Variants in MEIKIN observed in about 807,000 individuals in gnomAD.
MEIKIN encodes the protein meiotic kinetochore factor, also known as meiosis-specific kinetochore protein.
chr5:131,880,841 T>A (rs1750691978), intron 8 of MEIKIN, among the ~76,000 whole-genome samples: 1 of 152,246 alleles, frequency 6.6e-6, no homozygotes, highest in Admixed American at 6.5e-5. Flanking sequence ...TATGCCCAGT[T>A]AAATGTGAAT....
chr5:131,815,093 C>T (rs1773078296), intron 12 of MEIKIN, among the ~76,000 whole-genome samples: 1 of 147,256 alleles, frequency 6.8e-6, no homozygotes, highest in Admixed American at 6.8e-5. Context: ...AATTGTCATC[C>T]ATGGTCTCAT....
At chr5:131,881,732 C>G (rs1750705711) in intron 8 of MEIKIN, among the ~76,000 whole-genome samples, 1 of 152,106 alleles carries the variant, frequency 6.6e-6, no homozygotes, top group Non-Finnish European at 1.5e-5. Flanking sequence ...ATGTATCTAC[C>G]ACCCAGATCA....
At chr5:131,839,891 A>G (rs35003489) in intron 11 of MEIKIN, among the ~76,000 whole-genome samples, 4,201 of 152,266 alleles carry the variant, frequency 0.028, 75 homozygotes, top group Middle Eastern at 0.071. Flanking sequence ...TCCTGTCATC[A>G]TGATGTTATC....
intron 9 of MEIKIN, among the ~76,000 whole-genome samples, chr5:131,877,277 T>C (rs1420561317): frequency 6.6e-6 from 1 of 151,930 alleles, no homozygotes; most frequent in Admixed American, 6.6e-5. Flanking sequence ...ATAAACAAAA[T>C]ATATAATTAA....
chr5:131,857,752 A>G (rs1030066762), intron 9 of MEIKIN, among the ~76,000 whole-genome samples: 1 of 151,910 alleles, frequency 6.6e-6, no homozygotes, highest in Non-Finnish European at 1.5e-5. Context: ...GGTCCTCTCC[A>G]CTGCTTTGCT....
intron 7 of MEIKIN, among the ~76,000 whole-genome samples, chr5:131,914,128 G>A (rs572907875): frequency 1.3e-5 from 2 of 152,262 alleles, no homozygotes; most frequent in African/African-American, 4.8e-5. Context: ...GTGATGCCCT[G>A]TGCCACCTCG....
At chr5:131,892,102 C>T (rs946025857) in intron 8 of MEIKIN, among the ~76,000 whole-genome samples, 5 of 152,214 alleles carry the variant, frequency 3.3e-5, no homozygotes, top group East Asian at 1.9e-4. Flanking sequence ...GTCTCATGGG[C>T]GTCCCTTTGT....
At chr5:131,838,900 G>C (rs1022874295) in intron 11 of MEIKIN, among the ~76,000 whole-genome samples, 13 of 151,936 alleles carry the variant, frequency 8.6e-5, no homozygotes, top group African/African-American at 3.1e-4. Flanking sequence ...GCTAACTTTG[G>C]GGTAGGTTTC....
intron 9 of MEIKIN, among the ~76,000 whole-genome samples, chr5:131,863,571 T>TTTTTTTTTTTTTTTTTTTTC (rs1750326932): frequency 4.8e-5 from 7 of 146,258 alleles, no homozygotes; most frequent in African/African-American, 1.9e-4. Flanking sequence ...TTTTTTTTTT[T>TTTTTTTTTTTTTTTTTTTTC]TTTTTTTTTT....
intron 8 of MEIKIN, among the ~76,000 whole-genome samples, chr5:131,883,060 T>G (rs1750725047): frequency 1.3e-5 from 2 of 152,246 alleles, no homozygotes; most frequent in African/African-American, 2.4e-5. Context: ...TTATCTTTTT[T>G]TCCACTATGT....
chr5:131,869,219 A>G (rs914620308), intron 9 of MEIKIN, among the ~76,000 whole-genome samples: 4 of 152,172 alleles, frequency 2.6e-5, no homozygotes, highest in Non-Finnish European at 5.9e-5. Context: ...TTCAAGCACC[A>G]TTTGTAGAAA....
chr5:131,928,953 T>G (rs1751637356), intron 5 of MEIKIN, among the ~76,000 whole-genome samples: 1 of 152,260 alleles, frequency 6.6e-6, no homozygotes, highest in Non-Finnish European at 1.5e-5. Context: ...GAGTTTCAAC[T>G]TAAATAATTC....
chr5:131,885,576 G>C (rs1000217463), intron 8 of MEIKIN, among the ~76,000 whole-genome samples: 1 of 152,162 alleles, frequency 6.6e-6, no homozygotes, highest in Admixed American at 6.5e-5. Flanking sequence ...TGGGCTTTGG[G>C]TGCCGCCTAA....
rs1024010717 is a variant in MEIKIN, at chr5:131,818,742, T to G, written c.1097A>C (p.Gln366Pro). The change falls in exon 12 of 13, where the codon CAA becomes CCA. Residue 366 changes from glutamine to proline, a missense_variant and splice_region_variant. Coordinates refer to ENST00000442687, the MANE Select transcript of MEIKIN (RefSeq NM_001303622.2). ...GCTCTGCATTCATACTACAGTACCT[T>G]GAGGGGTATCCTTAGGAAGAGAATA... The part of the protein sequence containing the change: ...KKYSLPKDTP[Q>P]DIIIKMA 4.5e-5 allele frequency: 18 copies of G among 397,874 alleles called. No individual in the cohort carries two copies. The highest frequency in any genetic ancestry group is 2.9e-4 in the African/African-American group (14 of 48,626). The allele number at this position is 397,874 out of a possible 1,614,324, so 24.6% of individuals were successfully genotyped here.
At chr5:131,908,592 A>G (rs1472325527) in intron 8 of MEIKIN, among the ~76,000 whole-genome samples, 1 of 152,228 alleles carries the variant, frequency 6.6e-6, no homozygotes, top group Non-Finnish European at 1.5e-5. Flanking sequence ...GTCAGACAAG[A>G]GAAAGCAATA....
At chr5:131,881,914 A>G (rs1286689231) in intron 8 of MEIKIN, among the ~76,000 whole-genome samples, 4 of 152,186 alleles carry the variant, frequency 2.6e-5, no homozygotes, top group Non-Finnish European at 4.4e-5. Context: ...TCTTTCACAA[A>G]ACTTAATGTG....
chr5:131,817,936 T>C (rs1014887566), intron 12 of MEIKIN, among the ~76,000 whole-genome samples: 30 of 152,188 alleles, frequency 2.0e-4, no homozygotes, highest in African/African-American at 7.0e-4. Context: ...GGCTGAAGCA[T>C]AGTGAGGGGA....
chr5:131,922,466 T>C (rs1185818996), intron 5 of MEIKIN, among the ~76,000 whole-genome samples: 1 of 152,030 alleles, frequency 6.6e-6, no homozygotes. Context: ...TTATAAGTAA[T>C]CTAAAGATTA....
chr5:131,824,843 G>A (rs916551870), intron 11 of MEIKIN, among the ~76,000 whole-genome samples: 76 of 152,122 alleles, frequency 5.0e-4, no homozygotes, highest in African/African-American at 1.7e-3. Flanking sequence ...CACAGATTTA[G>A]GAAGCCCAAT....
Sources: allele counts gnomAD v4.1 joint callset (sites outside exome capture counted in the v4.1 genomes callset), GRCh38; gene constraint gnomAD v4.1.1; transcripts MANE v1.5; gene names NCBI Gene and HGNC (gene_info 2026-07-23, HGNC 2026-07-21).